ZNF778: variants seen among roughly 807,000 people sequenced by gnomAD.
The protein encoded by ZNF778 is zinc finger protein 778.
Under a neutral mutation model 23.9 loss-of-function variants are expected in ZNF778, and 37 were observed. The ratio of observed to expected loss-of-function variants is 1.54; its 90% CI spans 1.19 to 2.03. The LOEUF (loss-of-function observed/expected upper bound fraction) is 2.03, where lower values mean the gene tolerates loss of function less well. Among genes scored for constraint, ZNF778 ranks in the 30% most tolerant of loss-of-function variants. The pLI, the probability that ZNF778 is intolerant of heterozygous loss-of-function variation, is 0.00. For missense variants in ZNF778, 1,297 were observed against 934.4 expected (o/e 1.39, Z -5.06); for synonymous variants, 483 against 343.9 (o/e 1.40, Z -4.48).
rs1251871391 is a variant in ZNF778 at position 89,233,735 on chromosome 16, C to G, written c.*5173C>G. 1.2e-5 allele frequency: 12 copies of G among 1,031,724 alleles called. No individual in the cohort carries two copies. Among genetic ancestry groups the G allele is most frequent in the Non-Finnish European group, 1.5e-5 (12 of 809,240 alleles). The allele number at this position is 1,031,724 out of a possible 1,614,324, so 63.9% of individuals were successfully genotyped here. On this transcript the variant is annotated 3_prime_UTR_variant, in exon 7 of 7. Coordinates refer to ENST00000433976, the MANE Select transcript of ZNF778 (RefSeq NM_001201407.2). ...CACTGCGTATGCAACTCAACTCGCA[C>G]TGCATATGCAACTCAACTCGCACTG...
Position 89,227,955 on chromosome 16 carries a change from CAGA to C in ZNF778, c.1668_1670del (p.Glu558del). ...CTGAATGAGCATGTGAAAACTCACACAGAGGAGAAGCCCTTTATATGTACGGTA... is the reference window on the plus strand; with the variant it reads ...CTGAATGAGCATGTGAAAACTCACACGGAGAAGCCCTTTATATGTACGGTA... On this transcript the variant is annotated inframe_deletion, in exon 7 of 7. Transcript: ENST00000433976. 6.3e-7 allele frequency: 1 copy of C among 1,590,108 alleles called. No homozygotes were observed. Among genetic ancestry groups the C allele is most frequent in the Non-Finnish European group, 8.6e-7 (1 of 1,165,228 alleles).
At chr16:89,226,615 C>G (rs2031490915) in intron 6 of ZNF778, 79 bp from the exon 7 acceptor site, 2 of 1,294,876 alleles carry the variant, frequency 1.5e-6, no homozygotes, top group African/African-American at 3.0e-5. Context: ...TCATCATCGT[C>G]ATGCTCTGTC....
intron 1 of ZNF778, among the ~76,000 whole-genome samples, chr16:89,219,096 G>C (rs2151627148): frequency 6.6e-6 from 1 of 152,266 alleles, no homozygotes; most frequent in East Asian, 1.9e-4. Flanking sequence ...GACAGAGCAA[G>C]ACTCCGTCTC....
rs1406648178 is a variant in ZNF778, at chr16:89,227,881, G to A, written c.1593G>A (p.Lys531=). ...ACATGCGGACACACACCGGGGAGAAGCCCTATGAATGTAAGGACTGTGGGA... is the reference window on the plus strand; with the variant it reads ...ACATGCGGACACACACCGGGGAGAAACCCTATGAATGTAAGGACTGTGGGA... The part of the protein sequence containing the change: ...TKHMRTHTGE[K]PYECKDCGKA... The change falls in exon 7 of 7, where the codon AAG becomes AAA. Residue 531 remains lysine (K), a synonymous_variant. Transcript: ENST00000433976. 1.2e-6 allele frequency: 2 copies of A among 1,613,878 alleles called. No individual in the cohort carries two copies. Among genetic ancestry groups the A allele is most frequent in the Admixed American group, 3.3e-5 (2 of 59,986 alleles).
At chr16:89,223,103 G>C (rs772775415) in intron 3 of ZNF778, 54 bp from the exon 4 acceptor site, 2 of 1,585,056 alleles carry the variant, frequency 1.3e-6, no homozygotes, top group African/African-American at 2.7e-5. Context: ...TCATTCTTCA[G>C]TGAATACCGA....
Position 89,228,641 on chromosome 16 carries a change from A to G in ZNF778, c.*79A>G, listed in dbSNP as rs748185417. On this transcript the variant is annotated 3_prime_UTR_variant, in exon 7 of 7. Coordinates refer to ENST00000433976, the MANE Select transcript of ZNF778 (RefSeq NM_001201407.2). ...AAGACCTCTCGTTCTCCAGATGTCC[A>G]TGACTTGAGGAATGTGGCTAGGCAA... 3.6e-5 allele frequency: 55 copies of G among 1,516,296 alleles called. 1 individual carries two copies. The highest frequency in any genetic ancestry group is 4.6e-5 in the Non-Finnish European group (52 of 1,138,792). 93.9% of individuals were successfully genotyped at this position (1,516,296 alleles called of 1,614,324 possible). A position where few individuals can be genotyped will look rare whatever the true frequency, so the allele number is the denominator to read the frequency against.
intron 4 of ZNF778, 98 bp from the exon 5 acceptor site, chr16:89,224,621 A>G (rs1194536539): frequency 3.3e-6 from 3 of 922,638 alleles, no homozygotes; most frequent in Non-Finnish European, 5.0e-6. Context: ...GCTGTCTCAA[A>G]AAATAATAAA....
In ZNF778 at chr16:89,237,063, ACT is replaced by A. The variant is rs1365407799; in HGVS notation, c.*8504_*8505del. 3.2e-5 allele frequency: 2 copies of A among 61,776 alleles called. No individual in the cohort carries two copies. Among genetic ancestry groups the A allele is most frequent in the South Asian group, 7.6e-4 (1 of 1,310 alleles). The allele number at this position is 61,776 out of a possible 1,614,324, so 3.8% of individuals were successfully genotyped here. A position where few individuals can be genotyped will look rare whatever the true frequency, so the allele number is the denominator to read the frequency against. ...ACTCCAGCCTGGGTGACAGAGCAAG[ACT>A]CTGTCTAAAAAAAAAAAGGACAATG... On this transcript the variant is annotated 3_prime_UTR_variant, in exon 7 of 7. Coordinates refer to ENST00000433976, the MANE Select transcript of ZNF778 (RefSeq NM_001201407.2).
Position 89,227,113 on chromosome 16 carries a change from T to C in ZNF778, c.825T>C (p.His275=). 6.2e-7 allele frequency: 1 copy of C among 1,614,026 alleles called. No homozygotes were observed. Among genetic ancestry groups the C allele is most frequent in the Non-Finnish European group, 8.5e-7 (1 of 1,179,900 alleles). ...SMGCATPVEM[H]AVRNPHVCRE... ...GCTGCGCCACACCTGTTGAAATGCA[T>C]GCCGTCAGGAATCCCCACGTATGTA... The change falls in exon 7 of 7, where the codon CAT becomes CAC. Residue 275 remains histidine (H), a synonymous_variant. Transcript: ENST00000433976.
Position 89,236,248 on chromosome 16 carries a change from T to G in ZNF778, c.*7686T>G, listed in dbSNP as rs927333759. Reference sequence around the variant, plus strand: ...TGCCGAAAGCTACAGAGTGAAAGTCTTGGAAGGAGGCTGAGAAAGTGGACA... The same window carrying G: ...TGCCGAAAGCTACAGAGTGAAAGTCGTGGAAGGAGGCTGAGAAAGTGGACA... On this transcript the variant is annotated 3_prime_UTR_variant, in exon 7 of 7. Coordinates refer to ENST00000433976, the MANE Select transcript of ZNF778 (RefSeq NM_001201407.2). 1 of 152,158 alleles carries G rather than the reference T, an allele frequency of 6.6e-6. No individual in the cohort carries two copies. The highest frequency in any genetic ancestry group is 1.5e-5 in the Non-Finnish European group (1 of 68,036). 9.4% of individuals were successfully genotyped at this position (152,158 alleles called of 1,614,324 possible).
rs2031903885 is a variant in ZNF778, at chr16:89,231,128, G to A, written c.*2566G>A. ...TGCCATGTTTCTCTTGTGGGATTGA[G>A]TGTGGCTATTTAGCTCATCTGTTGC... On this transcript the variant is annotated 3_prime_UTR_variant, in exon 7 of 7. Coordinates refer to ENST00000433976, the MANE Select transcript of ZNF778 (RefSeq NM_001201407.2). 6.6e-6 allele frequency: 1 copy of A among 152,296 alleles called. No homozygotes were observed. The highest frequency in any genetic ancestry group is 1.5e-5 in the Non-Finnish European group (1 of 68,078). 9.4% of individuals were successfully genotyped at this position (152,296 alleles called of 1,614,324 possible).
chr16:89,223,342 T>G lies in ZNF778; in HGVS notation c.244+59T>G, dbSNP rs2031154689. ...GAACCAATACTTGATGTGTCCTTACTGTGTTCCAGGGTTGGTGACGGCAAA... is the reference window on the plus strand; with the variant it reads ...GAACCAATACTTGATGTGTCCTTACGGTGTTCCAGGGTTGGTGACGGCAAA... On this transcript the variant is annotated intron_variant, in intron 4 of 6. Transcript: ENST00000433976. 7.5e-6 allele frequency: 12 copies of G among 1,606,590 alleles called. No homozygotes were observed. The East Asian group carries it at 2.5e-4, about 33-fold the overall frequency.
At position 89,222,150 on chromosome 16, in the gene ZNF778, G is replaced by T. The variant is rs779282045; in HGVS notation, c.84G>T (p.Gly28=). ...ATGAAGAACAGACACAGGCAGCAGGGATGGTGGCTGGCTGGCTGATAAATT... is the reference window on the plus strand; with the variant it reads ...ATGAAGAACAGACACAGGCAGCAGGTATGGTGGCTGGCTGGCTGATAAATT... ...CLHEEQTQAA[G]MVAGWLINCY... The change falls in exon 3 of 7, where the codon GGG becomes GGT. Residue 28 remains glycine (G), a synonymous_variant. Transcript: ENST00000433976. The T allele has an allele frequency of 2.5e-6, 4 of 1,606,102 alleles. No homozygotes were observed. The highest frequency in any genetic ancestry group is 1.3e-5 in the African/African-American group (1 of 74,652).
In ZNF778 at chr16:89,230,249, T is replaced by C. The variant is rs2031845558; in HGVS notation, c.*1687T>C. 4.9e-6 allele frequency: 1 copy of C among 203,094 alleles called. No individual in the cohort carries two copies. Among genetic ancestry groups the C allele is most frequent in the Non-Finnish European group, 8.7e-6 (1 of 114,714 alleles). 12.6% of individuals were successfully genotyped at this position (203,094 alleles called of 1,614,324 possible). The stretch of plus-strand genomic sequence containing the variant: ...GTGGAGAGGGGCGAGGTCTGTACCC[T>C]GAGATGCCCCCGTTTCATGGCCGTG... On this transcript the variant is annotated 3_prime_UTR_variant, in exon 7 of 7. Coordinates refer to ENST00000433976, the MANE Select transcript of ZNF778 (RefSeq NM_001201407.2).
intron 3 of ZNF778, 55 bp downstream of exon 3, chr16:89,222,238 A>ATATTAATCCATTATTATATATATGATTTC: frequency 7.0e-7 from 1 of 1,418,938 alleles, no homozygotes; most frequent in East Asian, 2.4e-5. Context: ...CAGCAGATAG[A>ATATTAATCCATTATTATATATATGATTTC]CAAGTTTCTG....
chr16:89,223,184 G>A lies in ZNF778; in HGVS notation c.145G>A (p.Val49Met), dbSNP rs1311139187. The A allele has an allele frequency of 6.2e-7, 1 of 1,613,932 alleles. No individual in the cohort carries two copies. Among genetic ancestry groups the A allele is most frequent in the Non-Finnish European group, 8.5e-7 (1 of 1,179,952 alleles). Residue 49 changes from valine to methionine, a missense_variant, in exon 4 of 7, where the codon GTG (valine) becomes ATG (methionine). Coordinates refer to ENST00000433976, the MANE Select transcript of ZNF778 (RefSeq NM_001201407.2). ...CGCGGTGACCTTTGACGACGTGGCT[G>A]TGGACTTCACCCAGGAGGAATGGAC... ...QDAVTFDDVA[V>M]DFTQEEWTLL...
rs2032168338 is a variant in ZNF778 at position 89,234,192 on chromosome 16, C to T, written c.*5630C>T. The stretch of plus-strand genomic sequence containing the variant: ...ACCTTGACGAGTCCGCGTCTAGGCC[C>T]CACCAGTGGTGTGGTTTTCCTCATA... On this transcript the variant is annotated 3_prime_UTR_variant, in exon 7 of 7. Coordinates refer to ENST00000433976, the MANE Select transcript of ZNF778 (RefSeq NM_001201407.2). The T allele has an allele frequency of 2.6e-6, 1 of 378,608 alleles. No homozygotes were observed. Among genetic ancestry groups the T allele is most frequent in the Non-Finnish European group, 5.2e-6 (1 of 192,494 alleles). 23.5% of individuals were successfully genotyped at this position (378,608 alleles called of 1,614,324 possible).
intron 5 of ZNF778, among the ~76,000 whole-genome samples, chr16:89,225,180 A>G (rs1429040766): frequency 3.8e-5 from 5 of 130,806 alleles, no homozygotes; most frequent in African/African-American, 1.2e-4. Flanking sequence ...CAGTGGCACA[A>G]TCTTGGCTCA....
chr16:89,222,061 C>T (rs749561046), intron 2 of ZNF778, 31 bp from the exon 3 acceptor site: 2 of 1,532,918 alleles, frequency 1.3e-6, no homozygotes, highest in Non-Finnish European at 1.8e-6. Flanking sequence ...GCTCTGGGTT[C>T]TCATGCCTTC....
Sources: allele counts gnomAD v4.1 joint callset (sites outside exome capture counted in the v4.1 genomes callset), GRCh38; gene constraint gnomAD v4.1.1; transcripts MANE v1.5; gene names NCBI Gene and HGNC (gene_info 2026-07-23, HGNC 2026-07-21).